GPATCH8: variants seen among roughly 807,000 people sequenced by gnomAD.
The protein encoded by GPATCH8 is G-patch domain containing 8, also known as G patch domain-containing protein 8.
GPATCH8 carries 18 observed loss-of-function variants against 118.3 expected under a neutral mutation model. The ratio of observed to expected loss-of-function variants is 0.15; its 90% CI spans 0.11 to 0.23. GPATCH8 has a LOEUF of 0.23. Ranked by LOEUF, GPATCH8 falls within the 10% of genes least tolerant of loss-of-function variation. The probability of loss-of-function intolerance (pLI) is 1.00; values close to 1 mark genes in which losing one functional copy is unlikely to be tolerated. For synonymous variants in GPATCH8, 659 were observed against 684.7 expected (o/e 0.96, Z 0.59); for missense variants, 1,631 against 1,873.8 (o/e 0.87, Z 2.39).
Position 44,424,423 on chromosome 17 carries a change from G to T in GPATCH8, c.418C>A (p.Leu140Met). 6.3e-7 allele frequency: 1 copy of T among 1,598,644 alleles called. No homozygotes were observed. The highest frequency in any genetic ancestry group is 8.6e-7 in the Non-Finnish European group (1 of 1,165,908). Residue 140 changes from leucine (L) to methionine (M), a missense_variant, in exon 6 of 8, where the codon CTG (leucine) becomes ATG (methionine). Coordinates refer to ENST00000591680, the MANE Select transcript of GPATCH8 (RefSeq NM_001002909.4). ...EDLRANFYCE[L>M]CDKQYQKHQE... ...TGTTTCTGATATTGCTTATCACACA[G>T]TTCACAATAAAAGTTGGCTCTGAGG...
chr17:44,406,454 T>C (rs1361143419), intron 6 of GPATCH8, among the ~76,000 whole-genome samples: 1 of 117,220 alleles, frequency 8.5e-6, no homozygotes, highest in African/African-American at 3.3e-5. Flanking sequence ...GTACAGAAAA[T>C]TACCCAGGTG....
Position 44,398,486 on chromosome 17 carries a change from T to C in GPATCH8, c.3591A>G (p.Glu1197=), listed in dbSNP as rs567472852. ...ALFGHQFPSE[E]TTGPLLDPPP... ...GTGGGTCTAATAAGGGGCCAGTTGT[T>C]TCCTCTGAAGGGAACTGATGCCCAA... The change falls in exon 8 of 8, where the codon GAA becomes GAG. Residue 1197 remains glutamate (E), a synonymous_variant. Transcript: ENST00000591680. The C allele has an allele frequency of 6.2e-7, 1 of 1,608,860 alleles. No homozygotes were observed. The highest frequency in any genetic ancestry group is 1.7e-5 in the Admixed American group (1 of 59,630).
At chr17:44,404,798 T>C (rs2049157835) in intron 7 of GPATCH8, among the ~76,000 whole-genome samples, 1 of 151,968 alleles carries the variant, frequency 6.6e-6, no homozygotes, top group South Asian at 2.1e-4. Flanking sequence ...TTATGTTAAG[T>C]AAAGTAACCC....
chr17:44,491,589 T>C (rs2144474132), intron 1 of GPATCH8, among the ~76,000 whole-genome samples: 1 of 152,090 alleles, frequency 6.6e-6, no homozygotes, highest in Admixed American at 6.6e-5. Context: ...CATGGTGGCT[T>C]ATACTTGTAA....
intron 7 of GPATCH8, among the ~76,000 whole-genome samples, chr17:44,404,710 A>G (rs1162535261): frequency 6.6e-6 from 1 of 152,218 alleles, no homozygotes; most frequent in African/African-American, 2.4e-5. Flanking sequence ...TCAGTATATT[A>G]TACTATAATT....
chr17:44,479,823 C>T (rs148854429), intron 1 of GPATCH8, among the ~76,000 whole-genome samples: 1,888 of 151,890 alleles, frequency 0.012, 34 homozygotes, highest in African/African-American at 0.038. Flanking sequence ...AAAAATTAGC[C>T]GGGCATGGTG....
chr17:44,500,226 T>G (rs1021089940), intron 1 of GPATCH8, among the ~76,000 whole-genome samples: 3 of 152,228 alleles, frequency 2.0e-5, no homozygotes, highest in African/African-American at 7.2e-5. Context: ...AAAGCCAGTA[T>G]GAATTTAGGC....
At chr17:44,457,074 G>A (rs183860250) in intron 3 of GPATCH8, among the ~76,000 whole-genome samples, 25 of 152,142 alleles carry the variant, frequency 1.6e-4, no homozygotes, top group East Asian at 9.7e-4. Context: ...TGTTGGCCAG[G>A]CTGGTCTTGA....
intron 6 of GPATCH8, among the ~76,000 whole-genome samples, chr17:44,423,582 C>G (rs2049989509): frequency 6.6e-6 from 1 of 152,112 alleles, no homozygotes; most frequent in Admixed American, 6.5e-5. Flanking sequence ...CCCCAAAAAC[C>G]TAGTAAGTTA....
chr17:44,407,948 C>T (rs2049294869), intron 6 of GPATCH8, among the ~76,000 whole-genome samples: 2 of 152,016 alleles, frequency 1.3e-5, no homozygotes, highest in African/African-American at 4.8e-5. Context: ...TGAGATACCA[C>T]ACCCAGCCCA....
intron 3 of GPATCH8, among the ~76,000 whole-genome samples, chr17:44,458,355 A>G (rs2051417057): frequency 6.6e-6 from 1 of 151,840 alleles, no homozygotes; most frequent in Admixed American, 6.6e-5. Context: ...TGATATTCTC[A>G]TGGCTATGAT....
chr17:44,475,631 T>C (rs1412250773), intron 1 of GPATCH8, among the ~76,000 whole-genome samples: 11 of 151,808 alleles, frequency 7.2e-5, no homozygotes, highest in African/African-American at 2.7e-4. Flanking sequence ...GAGGCGGAGC[T>C]TGCAGTGAGC....
intron 3 of GPATCH8, among the ~76,000 whole-genome samples, chr17:44,437,317 A>T (rs1316334564): frequency 6.6e-6 from 1 of 152,138 alleles, no homozygotes; most frequent in African/African-American, 2.4e-5. Flanking sequence ...TAATTTTTTT[A>T]ATAAATATAT....
At chr17:44,480,308 G>T (rs1032111355) in intron 1 of GPATCH8, among the ~76,000 whole-genome samples, 2 of 151,896 alleles carry the variant, frequency 1.3e-5, no homozygotes, top group Non-Finnish European at 2.9e-5. Context: ...GCGGCAGGGC[G>T]CGGTGGCTCA....
chr17:44,462,605 A>T (rs370404451), intron 3 of GPATCH8, among the ~76,000 whole-genome samples: 3 of 152,232 alleles, frequency 2.0e-5, no homozygotes, highest in East Asian at 3.8e-4. Context: ...TATTTCATTA[A>T]AACATATTTA....
chr17:44,469,247 T>C (rs577961615), intron 2 of GPATCH8, among the ~76,000 whole-genome samples: 7 of 152,278 alleles, frequency 4.6e-5, no homozygotes, highest in African/African-American at 1.7e-4. Flanking sequence ...GAAAACACAA[T>C]ACCAGCAATG....
At chr17:44,440,436 T>C (rs1304771760) in intron 3 of GPATCH8, among the ~76,000 whole-genome samples, 1 of 152,220 alleles carries the variant, frequency 6.6e-6, no homozygotes, top group Non-Finnish European at 1.5e-5. Flanking sequence ...ATTTATTTTT[T>C]AGAGACAGGG....
At position 44,435,117 on chromosome 17, in the gene GPATCH8, C is replaced by T. The variant is rs775805914; in HGVS notation, c.296G>A (p.Arg99His). 5 of 1,523,974 alleles carry T rather than the reference C, an allele frequency of 3.3e-6. No individual in the cohort carries two copies. Among genetic ancestry groups the T allele is most frequent in the Non-Finnish European group, 3.6e-6 (4 of 1,097,918 alleles). The allele number at this position is 1,523,974 out of a possible 1,614,324, so 94.4% of individuals were successfully genotyped here. Residue 99 changes from arginine (R) to histidine (H), a missense_variant, in exon 5 of 8, where the codon CGT (arginine) becomes CAT (histidine). Around this residue, in one of 8 missense-constraint regions of GPATCH8, gnomAD observed 81 missense variants for 227.6 expected, o/e 0.36. Transcript: ENST00000591680. ...DYAEDATERR[R>H]VLEVEKEDTE... is the part of the protein sequence containing the mutation. Reference sequence around the variant, plus strand: ...GTCTTCTTTTTCTACTTCTAGGACACGGCGCCGTTCGGTAGCATCTTCAGC... The same window carrying T: ...GTCTTCTTTTTCTACTTCTAGGACATGGCGCCGTTCGGTAGCATCTTCAGC...
chr17:44,406,506 G>GGGGGGGT (rs377596219), intron 6 of GPATCH8, among the ~76,000 whole-genome samples: 19 of 69,384 alleles, frequency 2.7e-4, no homozygotes, highest in Admixed American at 1.6e-3. Context: ...TGGGGGGGGG[G>GGGGGGGT]GGTTATTTAA....
Sources: gnomAD v4.1 joint callset for allele counts (sites outside exome capture counted in the v4.1 genomes callset) on GRCh38, gnomAD v4.1.1 for gene constraint, gnomAD v4.1.1 regional missense constraint, MANE v1.5 for transcripts, NCBI Gene and HGNC (gene_info 2026-07-23, HGNC 2026-07-21) for gene names.